VKORC1L1: variants seen among roughly 807,000 people sequenced by gnomAD.
VKORC1L1 encodes the protein vitamin K epoxide reductase complex subunit 1L1.
In VKORC1L1, 2 loss-of-function variants were observed where a neutral mutation model predicts 18.9. The ratio of observed to expected loss-of-function variants is 0.11; its 90% CI spans 0.04 to 0.33. The LOEUF is 0.33. Among genes scored for constraint, VKORC1L1 ranks in the 10% least tolerant of loss-of-function variants. The pLI, the probability that VKORC1L1 is intolerant of heterozygous loss-of-function variation, is 1.00. For missense variants in VKORC1L1, 123 were observed against 224.1 expected (o/e 0.55, Z 2.88); for synonymous variants, 96 against 100.0 (o/e 0.96, Z 0.24).
At chr7:65,914,558 C>A (rs1353849015) in intron 1 of VKORC1L1, among the ~76,000 whole-genome samples, 1 of 152,224 alleles carries the variant, frequency 6.6e-6, no homozygotes, top group Admixed American at 6.5e-5. Flanking sequence ...GGCAATTACT[C>A]ATTCTCTCAC....
At chr7:65,895,467 AAAAAAAAAAAAAAATATATAT>A (rs1411144712) in intron 1 of VKORC1L1, among the ~76,000 whole-genome samples, 2 of 51,642 alleles carry the variant, frequency 3.9e-5, no homozygotes, top group African/African-American at 8.5e-5. Flanking sequence ...AAAAAAAAAA[AAAAAAAAAAAAAAATATATAT>A]ATATATATAT....
intron 1 of VKORC1L1, among the ~76,000 whole-genome samples, chr7:65,902,576 A>G (rs2116395903): frequency 6.6e-6 from 1 of 152,166 alleles, no homozygotes; most frequent in East Asian, 1.9e-4. Context: ...GGGAGAACAG[A>G]AAAAAAAGAT....
chr7:65,883,136 CT>C lies in VKORC1L1; in HGVS notation c.194+9593del, dbSNP rs34906605. On this transcript the variant is annotated intron_variant, in intron 1 of 2. Coordinates refer to ENST00000360768, the MANE Select transcript of VKORC1L1 (RefSeq NM_173517.6). ...TCATTATACATGTTATACATTTGAG[CT>C]TTTTTTTTTTTTTTTTTTTTTGGAG... 7.6e-3 allele frequency among the ~76,000 whole-genome samples: 829 copies of C among 109,570 alleles called. 2 individuals are homozygous for C. Among genetic ancestry groups the C allele is most frequent in the African/African-American group, 0.028 (699 of 25,306 alleles). The allele number at this position is 109,570 out of a possible 152,430, so 71.9% of individuals were successfully genotyped here. A position where few individuals can be genotyped will look rare whatever the true frequency, so the allele number is the denominator to read the frequency against.
chr7:65,902,351 G>A (rs1349944885), intron 1 of VKORC1L1, among the ~76,000 whole-genome samples: 1 of 152,200 alleles, frequency 6.6e-6, no homozygotes. Flanking sequence ...AACATCTTGA[G>A]TTGGAAATAA....
At chr7:65,902,953 G>A (rs1222599794) in intron 1 of VKORC1L1, among the ~76,000 whole-genome samples, 2 of 151,900 alleles carry the variant, frequency 1.3e-5, no homozygotes, top group East Asian at 1.9e-4. Context: ...CGTGACCTCC[G>A]CCTCCCGGGT....
chr7:65,883,752 C>A (rs1788967311), intron 1 of VKORC1L1, among the ~76,000 whole-genome samples: 1 of 152,100 alleles, frequency 6.6e-6, no homozygotes, highest in Admixed American at 6.5e-5. Context: ...CCCGCCTCGG[C>A]CTCCCAAAGT....
chr7:65,906,151 A>G (rs1789402482), intron 1 of VKORC1L1, among the ~76,000 whole-genome samples: 1 of 151,574 alleles, frequency 6.6e-6, no homozygotes, highest in Non-Finnish European at 1.5e-5. Context: ...ATTTGTCAAA[A>G]AGGCCAGGCA....
At chr7:65,871,628 C>T (rs1240782408), upstream of VKORC1L1, among the ~76,000 whole-genome samples, 1 of 152,234 alleles carries the variant, frequency 6.6e-6, no homozygotes, top group Non-Finnish European at 1.5e-5. Flanking sequence ...CTTTCTCCTC[C>T]CTCTCCCTGG....
intron 1 of VKORC1L1, among the ~76,000 whole-genome samples, chr7:65,945,144 C>T (rs1243625687): frequency 2.0e-5 from 3 of 151,218 alleles, no homozygotes; most frequent in Non-Finnish European, 4.4e-5. Flanking sequence ...GCTAGTAATC[C>T]CAACTACTCA....
intron 1 of VKORC1L1, among the ~76,000 whole-genome samples, chr7:65,875,716 C>A (rs1788816650): frequency 6.6e-6 from 1 of 152,138 alleles, no homozygotes; most frequent in African/African-American, 2.4e-5. Context: ...CGCGCCTAGC[C>A]TGAAACAGAC....
intron 1 of VKORC1L1, among the ~76,000 whole-genome samples, chr7:65,932,198 A>G (rs2115668303): frequency 6.6e-6 from 1 of 152,088 alleles, no homozygotes; most frequent in East Asian, 1.9e-4. Flanking sequence ...CCCGGGTTCC[A>G]GTAATTCTCC....
Position 65,882,466 on chromosome 7 carries a change from G to A in VKORC1L1, c.194+8901G>A, listed in dbSNP as rs1330937484. ...AATATTTGAGAGAAAATAAGCAAAA[G>A]GAAGAAAATGTAAATTATCTATAAT... On this transcript the variant is annotated intron_variant, in intron 1 of 2. Coordinates refer to ENST00000360768, the MANE Select transcript of VKORC1L1 (RefSeq NM_173517.6). 2.7e-5 allele frequency among the ~76,000 whole-genome samples: 4 copies of A among 147,552 alleles called. No individual in the cohort carries two copies. The South Asian group carries it at 6.4e-4, about 23-fold the overall frequency.
At chr7:65,885,601 G>A (rs1178926730) in intron 1 of VKORC1L1, among the ~76,000 whole-genome samples, 3 of 151,974 alleles carry the variant, frequency 2.0e-5, no homozygotes, top group African/African-American at 7.2e-5. Context: ...TAGTGTAAGG[G>A]TAGGGATCTA....
chr7:65,883,582 C>T (rs1788964115), intron 1 of VKORC1L1, among the ~76,000 whole-genome samples: 1 of 152,140 alleles, frequency 6.6e-6, no homozygotes, highest in South Asian at 2.1e-4. Flanking sequence ...TCACTGCAAC[C>T]TCTGCCTTCC....
intron 1 of VKORC1L1, among the ~76,000 whole-genome samples, chr7:65,912,720 C>T (rs1010542246): frequency 6.6e-6 from 1 of 152,200 alleles, no homozygotes; most frequent in South Asian, 2.1e-4. Flanking sequence ...AAATACTCCT[C>T]CCACCCATCA....
chr7:65,889,694 C>G (rs1477188913), intron 1 of VKORC1L1, among the ~76,000 whole-genome samples: 1 of 152,208 alleles, frequency 6.6e-6, no homozygotes. Context: ...TCCCCCTTCT[C>G]AAAAGTTACC....
At chr7:65,886,727 C>T (rs1423486765) in intron 1 of VKORC1L1, among the ~76,000 whole-genome samples, 6 of 150,390 alleles carry the variant, frequency 4.0e-5, no homozygotes, top group South Asian at 2.1e-4. Flanking sequence ...TTAGTAGAGA[C>T]GGGGTTTCAC....
At chr7:65,929,913 A>G (rs891288889) in intron 1 of VKORC1L1, among the ~76,000 whole-genome samples, 21 of 151,752 alleles carry the variant, frequency 1.4e-4, no homozygotes, top group Non-Finnish European at 2.8e-4. Context: ...TAGTCTTCCA[A>G]TCCACAAACA....
At chr7:65,875,979 A>G (rs181128602) in intron 1 of VKORC1L1, among the ~76,000 whole-genome samples, 96 of 152,326 alleles carry the variant, frequency 6.3e-4, no homozygotes, top group African/African-American at 2.2e-3. Flanking sequence ...GGTAAGGTAG[A>G]GATTAATGAG....
Sources: gnomAD v4.1 joint callset for allele counts (sites outside exome capture counted in the v4.1 genomes callset) on GRCh38, gnomAD v4.1.1 for gene constraint, MANE v1.5 for transcripts, NCBI Gene and HGNC (gene_info 2026-07-23, HGNC 2026-07-21) for gene names.